DCAF5: variants seen among roughly 807,000 people sequenced by gnomAD.
DCAF5 encodes DDB1 and CUL4 associated factor 5.
Under a neutral mutation model 80.7 loss-of-function variants are expected in DCAF5, and 9 were observed. The ratio of observed to expected loss-of-function variants is 0.11; its 90% confidence interval spans 0.07 to 0.19. DCAF5 has a LOEUF of 0.19. Ranked by LOEUF, DCAF5 falls within the 10% of genes least tolerant of loss-of-function variation. The probability of loss-of-function intolerance (pLI) is 1.00; values close to 1 mark genes in which losing one functional copy is unlikely to be tolerated. For missense variants in DCAF5, 842 were observed against 1,205.7 expected, an observed-to-expected ratio of 0.70 and a Z score of 4.47; for synonymous variants, 433 against 461.9, an observed-to-expected ratio of 0.94 and a Z score of 0.80.
At chr14:69,127,023 A>T (rs1478365706) in intron 1 of DCAF5, among the ~76,000 whole-genome samples, 1 of 152,178 alleles carries the variant, frequency 6.6e-6, no homozygotes, top group East Asian at 1.9e-4. Context: ...ACGCAATCTC[A>T]TTCATTGCTG....
In DCAF5 at chr14:69,054,274, A is replaced by T. The variant is rs1230407197; in HGVS notation, c.2412T>A (p.Thr804=). 14 of 1,614,240 alleles carry T rather than the reference A, an allele frequency of 8.7e-6. No homozygotes were observed. The highest frequency in any genetic ancestry group is 1.2e-5 in the Non-Finnish European group (14 of 1,180,034). The part of the protein sequence containing the change: ...SPPVPKASGS[T]LNSGSGNCPR... Reference sequence around the variant, plus strand: ...GACAGTTGCCAGACCCGCTGTTGAGAGTGGAGCCAGATGCCTTGGGGACAG... The same window carrying T: ...GACAGTTGCCAGACCCGCTGTTGAGTGTGGAGCCAGATGCCTTGGGGACAG... The change falls in exon 9 of 9, where the codon ACT becomes ACA. Residue 804 remains threonine (T), a synonymous_variant. Coordinates refer to ENST00000341516, the MANE Select transcript of DCAF5 (RefSeq NM_003861.3).
intron 8 of DCAF5, among the ~76,000 whole-genome samples, chr14:69,056,851 CCTT>C (rs1451389630): frequency 2.0e-5 from 3 of 152,172 alleles, no homozygotes; most frequent in Non-Finnish European, 4.4e-5. Context: ...GCTGAAGAAA[CCTT>C]CTAGATTAGC....
intron 6 of DCAF5, among the ~76,000 whole-genome samples, chr14:69,087,004 A>G (rs557626164): frequency 6.6e-6 from 1 of 152,340 alleles, no homozygotes; most frequent in East Asian, 1.9e-4. Context: ...GGACTATTAG[A>G]CCAGGCATCA....
chr14:69,125,312 T>G (rs1326841373), intron 1 of DCAF5, among the ~76,000 whole-genome samples: 2 of 152,150 alleles, frequency 1.3e-5, no homozygotes, highest in Non-Finnish European at 2.9e-5. Flanking sequence ...CTGACTTAAC[T>G]CCAGCAAACT....
Position 69,053,894 on chromosome 14 carries a change from GA to G in DCAF5, c.2791del (p.Ser931GlnfsTer10). On this transcript the variant is annotated frameshift_variant, in exon 9 of 9. Coordinates refer to ENST00000341516, the MANE Select transcript of DCAF5 (RefSeq NM_003861.3). LOFTEE classifies it high-confidence loss of function. ...RQRIELEDTD[S>X]ENSSSEKKLK... ...TTTCTTCTCTGAGGAGGAATTCTCT[GA>G]ATCTGTATCTTCCAATTCAATTCGT... 1 of 1,609,200 alleles carries G rather than the reference GA, an allele frequency of 6.2e-7. No individual in the cohort carries two copies. The highest frequency in any genetic ancestry group is 8.5e-7 in the Non-Finnish European group (1 of 1,179,014).
At chr14:69,066,291 C>T (rs746185263) in intron 7 of DCAF5, among the ~76,000 whole-genome samples, 3 of 152,062 alleles carry the variant, frequency 2.0e-5, no homozygotes, top group Non-Finnish European at 2.9e-5. Flanking sequence ...CACACCACCA[C>T]GCCCAGCTAA....
intron 7 of DCAF5, among the ~76,000 whole-genome samples, chr14:69,069,485 C>T (rs181574644): frequency 2.0e-5 from 3 of 152,240 alleles, no homozygotes; most frequent in South Asian, 2.1e-4. Flanking sequence ...TTTGTAGACA[C>T]GGAGTCTCAT....
intron 5 of DCAF5, among the ~76,000 whole-genome samples, chr14:69,113,051 A>C (rs1710988): frequency 0.29 from 43,518 of 151,836 alleles, 7,336 homozygotes; most frequent in Middle Eastern, 0.46. Flanking sequence ...CCAGCCCTCT[A>C]ATCAGCTTAT....
At position 69,055,059 on chromosome 14, in the gene DCAF5, C is replaced by T; in HGVS notation, c.1627G>A (p.Asp543Asn). Residue 543 changes from aspartate (D) to asparagine (N), a missense_variant, in exon 9 of 9, where the codon GAC becomes AAC. By Grantham distance (23) the Asp-to-Asn change is conservative. Coordinates refer to ENST00000341516, the MANE Select transcript of DCAF5 (RefSeq NM_003861.3). The surrounding 1 kb of genome is among the most constrained non-coding windows in gnomAD (Gnocchi z 5.6). ...CGTGGCCGGGGAAAGAGATCTGTGT[C>T]TAGTTCCACCTCACAGACATTCTCC... ...SEENVCEVEL[D>N]TDLFPRPRSP... The T allele has an allele frequency of 6.2e-7, 1 of 1,614,226 alleles. No individual in the cohort carries two copies. Among genetic ancestry groups the T allele is most frequent in the Non-Finnish European group, 8.5e-7 (1 of 1,180,040 alleles).
At chr14:69,094,010 T>C (rs1347372661) in intron 5 of DCAF5, among the ~76,000 whole-genome samples, 1 of 152,204 alleles carries the variant, frequency 6.6e-6, no homozygotes, top group African/African-American at 2.4e-5. Context: ...GCGACAGGCA[T>C]GTGGTGTTAT....
intron 8 of DCAF5, among the ~76,000 whole-genome samples, chr14:69,056,617 T>C (rs552902800): frequency 1.1e-3 from 163 of 152,348 alleles, no homozygotes; most frequent in African/African-American, 3.8e-3. Flanking sequence ...GGCAATCTTC[T>C]TGCCTGACAG....
chr14:69,085,813 A>T (rs976143762), intron 6 of DCAF5, among the ~76,000 whole-genome samples: 3 of 152,210 alleles, frequency 2.0e-5, no homozygotes, highest in African/African-American at 7.2e-5. Context: ...TCTAAAAAAG[A>T]CATACAAGGA....
rs774304517 is a variant in DCAF5 at position 69,062,465 on chromosome 14, C to T, written c.993G>A (p.Gly331=). Residue 331 remains glycine, a synonymous_variant, in exon 8 of 9, where the codon GGG becomes GGA. Transcript: ENST00000341516. ...VVNGAFMVLK[G]HRSIVNQVRF... ...GGACTTGGTTAACAATAGATCGATG[C>T]CCTTTCAGCACCATGAAGGCTCCGT... The T allele has an allele frequency of 6.2e-6, 10 of 1,613,722 alleles. No homozygotes were observed. The highest frequency in any genetic ancestry group is 8.5e-6 in the Non-Finnish European group (10 of 1,179,748).
Position 69,052,720 on chromosome 14 carries a change from C to G in DCAF5, c.*1137G>C, listed in dbSNP as rs1342819386. ...CACCTTCTGACTCCTAATAGACCTA[C>G]TCAATAAGAATCTGTTACCTTGAGA... is the stretch of plus-strand genomic sequence containing the variant. On this transcript the variant is annotated 3_prime_UTR_variant, in exon 9 of 9. Transcript: ENST00000341516. 6.6e-6 allele frequency: 1 copy of G among 152,208 alleles called. No individual in the cohort carries two copies. Among genetic ancestry groups the G allele is most frequent in the Non-Finnish European group, 1.5e-5 (1 of 68,052 alleles). 9.4% of individuals were successfully genotyped at this position (152,208 alleles called of 1,614,324 possible).
chr14:69,129,465 T>G (rs1279378358), intron 1 of DCAF5, among the ~76,000 whole-genome samples: 1 of 152,192 alleles, frequency 6.6e-6, no homozygotes, highest in Non-Finnish European at 1.5e-5. Context: ...GCTAAACAGC[T>G]GTGCCCAAGC....
At chr14:69,102,048 C>T (rs892758687) in intron 5 of DCAF5, among the ~76,000 whole-genome samples, 8 of 151,548 alleles carry the variant, frequency 5.3e-5, no homozygotes, top group East Asian at 1.9e-4. Flanking sequence ...ACACAGGCTA[C>T]GCTACATTTA....
chr14:69,087,271 A>G (rs2039367762), intron 6 of DCAF5, among the ~76,000 whole-genome samples: 1 of 152,194 alleles, frequency 6.6e-6, no homozygotes, highest in Non-Finnish European at 1.5e-5. Flanking sequence ...TCGCTCACTG[A>G]GTATGTAGAG....
At chr14:69,139,739 C>G (rs2041304914) in intron 1 of DCAF5, among the ~76,000 whole-genome samples, 1 of 151,488 alleles carries the variant, frequency 6.6e-6, no homozygotes, top group African/African-American at 2.4e-5. Context: ...TGGCTTGAAC[C>G]CAGGAGGTGG....
intron 5 of DCAF5, among the ~76,000 whole-genome samples, chr14:69,098,110 C>CA (rs1475303256): frequency 6.7e-6 from 1 of 150,192 alleles, no homozygotes; most frequent in African/African-American, 2.5e-5. Context: ...CCCCTACCCT[C>CA]ATCCTTTATG....
Sources: allele counts gnomAD v4.1 joint callset (sites outside exome capture counted in the v4.1 genomes callset), GRCh38; gene constraint gnomAD v4.1.1; non-coding constraint Gnocchi (gnomAD v3.1); transcripts MANE v1.5; gene names NCBI Gene and HGNC (gene_info 2026-07-23, HGNC 2026-07-21).